LETM2: variants seen among roughly 807,000 people sequenced by gnomAD.
LETM2 encodes leucine zipper and EF-hand containing transmembrane protein 2.
Under a neutral mutation model 59.6 loss-of-function variants are expected in LETM2, and 58 were observed. That is an observed-to-expected ratio of 0.97 (90% confidence interval 0.79 to 1.21). LETM2 has a LOEUF of 1.21. Ranked by LOEUF, LETM2 falls within the 50% of genes most tolerant of loss-of-function variation. The probability of loss-of-function intolerance (pLI) is 0.00; values close to 1 mark genes in which losing one functional copy is unlikely to be tolerated. For synonymous variants in LETM2, 199 were observed against 214.1 expected (o/e 0.93, Z 0.62); for missense variants, 572 against 575.7 (o/e 0.99, Z 0.07).
At chr8:38,388,551 G>A (rs1433431261) in intron 2 of LETM2, among the ~76,000 whole-genome samples, 7 of 149,844 alleles carry the variant, frequency 4.7e-5, no homozygotes, top group Non-Finnish European at 1.0e-4. Context: ...GTGAAACCCC[G>A]TCTCTACTAA....
intron 7 of LETM2, 124 bp from the exon 8 acceptor site, chr8:38,404,269 C>A: frequency 1.5e-6 from 1 of 676,126 alleles, no homozygotes; most frequent in African/African-American, 1.8e-5. Context: ...GACTCATCAC[C>A]TGAGCGGCTT....
intron 2 of LETM2, among the ~76,000 whole-genome samples, chr8:38,388,322 C>T (rs879391096): frequency 5.3e-5 from 8 of 151,728 alleles, no homozygotes; most frequent in South Asian, 2.1e-4. Context: ...TTAGGTGATC[C>T]GCCTGCCTTG....
intron 4 of LETM2, among the ~76,000 whole-genome samples, chr8:38,399,872 G>GGCT (rs1813030779): frequency 6.6e-6 from 1 of 152,096 alleles, no homozygotes; most frequent in Non-Finnish European, 1.5e-5. Context: ...CTTGAGTCTG[G>GGCT]GAGGTGGAGG....
At chr8:38,388,109 C>A (rs957175271) in intron 2 of LETM2, 79 bp downstream of exon 2, 1 of 943,622 alleles carries the variant, frequency 1.1e-6, no homozygotes, top group Non-Finnish European at 1.6e-6. Context: ...GAGATGGAGT[C>A]GCACTCTGTC....
At chr8:38,407,572 C>T in intron 10 of LETM2, 109 bp downstream of exon 10, 1 of 736,490 alleles carries the variant, frequency 1.4e-6, no homozygotes, top group South Asian at 1.7e-5. Flanking sequence ...CTGCACAATT[C>T]TTCCTGTTGT....
rs143864987 is a variant in LETM2, at chr8:38,398,975, C to A, written c.646-1297C>A. Among the ~76,000 whole-genome samples, 540 of 152,010 alleles carry A rather than the reference C, an allele frequency of 3.6e-3. 2 individuals carry two copies. The highest frequency in any genetic ancestry group is 6.0e-3 in the Non-Finnish European group (405 of 67,964). On this transcript the variant is annotated intron_variant, in intron 4 of 10. Coordinates refer to ENST00000379957, the MANE Select transcript of LETM2 (RefSeq NM_001286819.2). ...ATCTCAGGTGATCCAGCTGCCTCGG[C>A]CTCCCAAAGTGCTGGGATTACAGGT... is the stretch of plus-strand genomic sequence containing the variant.
intron 8 of LETM2, among the ~76,000 whole-genome samples, chr8:38,405,714 C>T (rs1813661516): frequency 6.6e-6 from 1 of 152,172 alleles, no homozygotes; most frequent in Non-Finnish European, 1.5e-5. Flanking sequence ...CTCTTGGATC[C>T]ACTCATGTGA....
chr8:38,388,095 T>G, intron 2 of LETM2, 65 bp downstream of exon 2: 2 of 1,068,680 alleles, frequency 1.9e-6, no homozygotes, highest in South Asian at 1.5e-5. Flanking sequence ...TTTTTTTTTT[T>G]TCTGAGATGG....
chr8:38,404,727 C>T, intron 8 of LETM2: 1 of 474,684 alleles, frequency 2.1e-6, no homozygotes, highest in East Asian at 4.1e-5. Flanking sequence ...CGCCTGTAAT[C>T]CCAGCACTTT....
At chr8:38,405,008 A>G (rs548602063) in intron 8 of LETM2, among the ~76,000 whole-genome samples, 1 of 152,312 alleles carries the variant, frequency 6.6e-6, no homozygotes, top group East Asian at 1.9e-4. Context: ...GAAGCCACTC[A>G]GTTTTACCTC....
chr8:38,402,095 G>T (rs1202196002), intron 6 of LETM2, among the ~76,000 whole-genome samples: 1 of 152,138 alleles, frequency 6.6e-6, no homozygotes, highest in Non-Finnish European at 1.5e-5. Flanking sequence ...TTGTGGACCA[G>T]TGTGTTAGGG....
In LETM2 at chr8:38,404,208, T is replaced by C. The variant is rs547690007; in HGVS notation, c.1105-185T>C. The C allele has an allele frequency of 3.8e-5, 21 of 551,866 alleles. No individual in the cohort carries two copies. The South Asian group carries it at 4.8e-4, about 13-fold the overall frequency. The allele number at this position is 551,866 out of a possible 1,614,324, so 34.2% of individuals were successfully genotyped here. The stretch of plus-strand genomic sequence containing the variant: ...CACCATAGTGAGGGAGGCTGTAGGG[T>C]GCCCCCTCAGTGCAGAAGCCAGGGC... On this transcript the variant is annotated intron_variant, in intron 7 of 10. Coordinates refer to ENST00000379957, the MANE Select transcript of LETM2 (RefSeq NM_001286819.2).
At position 38,400,874 on chromosome 8, in the gene LETM2, A is replaced by G. The variant is rs745859990; in HGVS notation, c.805A>G (p.Ser269Gly). ...VKQVQTGHKP[S>G]TKEIVRFSKL... is the part of the protein sequence containing the mutation. ...ATAGGTCCAGACAGGCCACAAGCCC[A>G]GCACAAAGGAGATAGTTCGCTTCTC... Residue 269 changes from serine to glycine, a missense_variant, in exon 6 of 11, where the codon AGC becomes GGC. Physicochemically the swap from Ser to Gly is moderately conservative, Grantham distance 56. Transcript: ENST00000379957. The G allele has an allele frequency of 5.0e-6, 8 of 1,614,218 alleles. No individual in the cohort carries two copies. Among genetic ancestry groups the G allele is most frequent in the Non-Finnish European group, 6.8e-6 (8 of 1,180,038 alleles).
intron 2 of LETM2, among the ~76,000 whole-genome samples, chr8:38,388,605 C>T (rs1238459100): frequency 6.7e-6 from 1 of 149,776 alleles, no homozygotes; most frequent in Non-Finnish European, 1.5e-5. Flanking sequence ...CCTATAATCC[C>T]AGCACTTGTG....
At chr8:38,388,080 C>CT (rs35044708) in intron 2 of LETM2, 50 bp downstream of exon 2, 16,984 of 882,222 alleles carry the variant, frequency 0.019, 2 homozygotes, top group East Asian at 0.026. Flanking sequence ...TCTTCTTCTT[C>CT]TTTTTTTTTT....
intron 4 of LETM2, among the ~76,000 whole-genome samples, chr8:38,395,248 A>C (rs1201262263): frequency 2.6e-5 from 4 of 152,212 alleles, no homozygotes; most frequent in Admixed American, 2.6e-4. Flanking sequence ...CTAGGAGAGT[A>C]ATTGGTGGAT....
At chr8:38,392,470 T>A in intron 2 of LETM2, 72 bp from the exon 3 acceptor site, 1 of 907,668 alleles carries the variant, frequency 1.1e-6, no homozygotes, top group Admixed American at 2.2e-5. Context: ...TCTTTAATAA[T>A]ATGTGCTTTA....
chr8:38,402,713 T>A, intron 7 of LETM2, 69 bp downstream of exon 7: 2 of 1,508,028 alleles, frequency 1.3e-6, no homozygotes, highest in Non-Finnish European at 9.2e-7. Context: ...GACCTCCTTA[T>A]GTGATTTCTC....
chr8:38,402,722 T>C (rs1054580501), intron 7 of LETM2, 78 bp downstream of exon 7: 1 of 1,462,160 alleles, frequency 6.8e-7, no homozygotes, highest in African/African-American at 1.4e-5. Context: ...ATGTGATTTC[T>C]CCTTTGCAAG....
Sources: gnomAD v4.1 joint callset for allele counts (sites outside exome capture counted in the v4.1 genomes callset) on GRCh38, gnomAD v4.1.1 for gene constraint, MANE v1.5 for transcripts, NCBI Gene and HGNC (gene_info 2026-07-23, HGNC 2026-07-21) for gene names.